Variants in NAALADL2 observed in about 807,000 individuals in gnomAD.
The protein encoded by NAALADL2 is N-acetylated alpha-linked acidic dipeptidase like 2, also known as inactive N-acetylated-alpha-linked acidic dipeptidase-like protein 2.
In NAALADL2, 76 loss-of-function variants were observed where a neutral mutation model predicts 87.2. The ratio of observed to expected loss-of-function variants is 0.87; its 90% CI spans 0.72 to 1.05. NAALADL2 has a LOEUF of 1.05. Ranked by LOEUF, NAALADL2 falls within the 50% of genes least tolerant of loss-of-function variation. NAALADL2 has a pLI of 0.00. For missense variants in NAALADL2, 1,089 were observed against 945.8 expected, an observed-to-expected ratio of 1.15 and a Z score of -1.99; for synonymous variants, 354 against 331.0, an observed-to-expected ratio of 1.07 and a Z score of -0.75.
rs191420858 is a variant in NAALADL2, at chr3:174,758,809, T to C, written c.-9+21063T>C. ...AGGATGGGATAACAACTTCTTTTCA[T>C]TGGATCATGAGAAAGCACATAGTTT... On this transcript the variant is annotated intron_variant, in intron 3 of 3. Transcript: ENST00000434257. Among the ~76,000 whole-genome samples the C allele has an allele frequency of 2.0e-3, 302 of 152,356 alleles. 1 individual carries two copies. Among genetic ancestry groups the C allele is most frequent in the African/African-American group, 6.7e-3 (277 of 41,586 alleles).
chr3:175,008,102 G>A (rs528982851), intron 1 of NAALADL2, among the ~76,000 whole-genome samples: 7 of 152,242 alleles, frequency 4.6e-5, no homozygotes, highest in African/African-American at 1.7e-4. Flanking sequence ...CTTGCCCTGG[G>A]TGCAGTCTCT....
intron 9 of NAALADL2, among the ~76,000 whole-genome samples, chr3:175,512,280 C>T (rs1022376967): frequency 1.3e-5 from 2 of 152,112 alleles, no homozygotes; most frequent in Non-Finnish European, 2.9e-5. Flanking sequence ...GTTTCTTGAA[C>T]TTCTGGAGCA....
chr3:174,667,306 A>C (rs1726048241), intron 2 of NAALADL2, among the ~76,000 whole-genome samples: 1 of 152,098 alleles, frequency 6.6e-6, no homozygotes, highest in Non-Finnish European at 1.5e-5. Flanking sequence ...GGGACTTTTT[A>C]TTCCAAAGCT....
At chr3:174,446,925 C>T (rs954165095) in intron 1 of NAALADL2, among the ~76,000 whole-genome samples, 2 of 152,102 alleles carry the variant, frequency 1.3e-5, no homozygotes, top group African/African-American at 4.8e-5. Flanking sequence ...TAGGAGCAAC[C>T]TTAAGAAACC....
intron 2 of NAALADL2, among the ~76,000 whole-genome samples, chr3:174,641,113 G>C (rs1180918811): frequency 6.6e-6 from 1 of 152,158 alleles, no homozygotes. Flanking sequence ...GCTTGCTCAG[G>C]TGCGCCCTTT....
intron 2 of NAALADL2, among the ~76,000 whole-genome samples, chr3:175,153,430 T>C (rs1276135332): frequency 3.3e-5 from 5 of 152,146 alleles, no homozygotes; most frequent in African/African-American, 9.7e-5. Flanking sequence ...CAGTTGGAGG[T>C]TGCCCTGTGC....
At chr3:175,394,920 C>A (rs1025174536) in intron 5 of NAALADL2, among the ~76,000 whole-genome samples, 1 of 152,156 alleles carries the variant, frequency 6.6e-6, no homozygotes, top group African/African-American at 2.4e-5. Context: ...TTTTAGCAAT[C>A]TCAGCATGTG....
intron 1 of NAALADL2, among the ~76,000 whole-genome samples, chr3:174,921,373 T>A (rs546471534): frequency 6.6e-6 from 1 of 152,352 alleles, no homozygotes; most frequent in African/African-American, 2.4e-5. Flanking sequence ...TTATTTTACG[T>A]GGCCTTTATA....
At chr3:175,471,560 C>A in intron 8 of NAALADL2, 79 bp from the exon 9 acceptor site, 1 of 763,318 alleles carries the variant, frequency 1.3e-6, no homozygotes, top group Non-Finnish European at 2.1e-6. Flanking sequence ...ATGAAATGTT[C>A]ATTATTCAAC....
At chr3:175,068,554 C>T (rs1405643373) in intron 1 of NAALADL2, among the ~76,000 whole-genome samples, 1 of 152,036 alleles carries the variant, frequency 6.6e-6, no homozygotes, top group East Asian at 1.9e-4. Flanking sequence ...CTCTCGCAAA[C>T]TTGGGAGGAC....
At chr3:175,050,404 G>T (rs533217227) in intron 1 of NAALADL2, among the ~76,000 whole-genome samples, 4 of 152,272 alleles carry the variant, frequency 2.6e-5, no homozygotes, top group Non-Finnish European at 5.9e-5. Context: ...TGGGATCACA[G>T]GGACGCACCA....
At chr3:175,149,836 T>C (rs1477517927) in intron 2 of NAALADL2, among the ~76,000 whole-genome samples, 1 of 152,160 alleles carries the variant, frequency 6.6e-6, no homozygotes, top group East Asian at 1.9e-4. Flanking sequence ...TTTAAAATCT[T>C]GGACTCTAGA....
chr3:175,799,512 A>G (rs1288896605), intron 13 of NAALADL2, among the ~76,000 whole-genome samples: 1 of 152,104 alleles, frequency 6.6e-6, no homozygotes, highest in Non-Finnish European at 1.5e-5. Context: ...CCAGAAGCCA[A>G]GTCTTTTTCC....
At chr3:174,882,243 T>C (rs1729278119) in intron 1 of NAALADL2, among the ~76,000 whole-genome samples, 1 of 152,062 alleles carries the variant, frequency 6.6e-6, no homozygotes, top group Admixed American at 6.5e-5. Flanking sequence ...TGCAAAACTA[T>C]GTGAAGAACT....
rs143734323 is a variant in NAALADL2 at position 175,372,457 on chromosome 3, G to A, written c.1090+48132G>A. Reference sequence around the variant, plus strand: ...AAATGAGAAATCGAATGAAGCGTTGGTGTTAATTCAGTGTCTTGAAGATAT... The same window carrying A: ...AAATGAGAAATCGAATGAAGCGTTGATGTTAATTCAGTGTCTTGAAGATAT... On this transcript the variant is annotated intron_variant, in intron 5 of 13. Transcript: ENST00000454872. 3.2e-3 allele frequency among the ~76,000 whole-genome samples: 484 copies of A among 152,248 alleles called. 3 individuals carry two copies. The highest frequency in any genetic ancestry group is 0.011 in the African/African-American group (451 of 41,538).
rs903886642 is a variant in NAALADL2, at chr3:175,454,138, C to T, written c.1234+6766C>T. Among the ~76,000 whole-genome samples, 3 of 152,082 alleles carry T rather than the reference C, an allele frequency of 2.0e-5. No individual in the cohort carries two copies. In the East Asian group the frequency reaches 5.8e-4, roughly 29 times the overall value. Reference sequence around the variant, plus strand: ...TCCAATTTAAATGCAATCTGATAGTCTTTTAATAGGAGCATTTGGTCCCTT... The same window carrying T: ...TCCAATTTAAATGCAATCTGATAGTTTTTTAATAGGAGCATTTGGTCCCTT... On this transcript the variant is annotated intron_variant, in intron 6 of 13. Coordinates refer to ENST00000454872, the MANE Select transcript of NAALADL2 (RefSeq NM_207015.3).
intron 1 of NAALADL2, among the ~76,000 whole-genome samples, chr3:175,071,479 T>C (rs1715630351): frequency 6.6e-6 from 1 of 152,064 alleles, no homozygotes; most frequent in Admixed American, 6.6e-5. Flanking sequence ...GTTTTTCATA[T>C]ATTTATATAT....
At chr3:175,527,884 GA>G (rs1320990775) in intron 9 of NAALADL2, among the ~76,000 whole-genome samples, 1 of 152,114 alleles carries the variant, frequency 6.6e-6, no homozygotes, top group Non-Finnish European at 1.5e-5. Context: ...TTATTCTACA[GA>G]CAATTCTTTG....
At chr3:174,481,639 T>C (rs951305434) in intron 1 of NAALADL2, among the ~76,000 whole-genome samples, 21 of 151,962 alleles carry the variant, frequency 1.4e-4, no homozygotes, top group African/African-American at 5.1e-4. Flanking sequence ...ACTCAACATA[T>C]AGTTGTATTC....
Sources: gnomAD v4.1 joint callset for allele counts (sites outside exome capture counted in the v4.1 genomes callset) on GRCh38, gnomAD v4.1.1 for gene constraint, MANE v1.5 for transcripts, NCBI Gene and HGNC (gene_info 2026-07-23, HGNC 2026-07-21) for gene names.